The following PHACTR2 variants were observed in gnomAD, a reference collection of about 807,000 sequenced individuals.
The protein encoded by PHACTR2 is phosphatase and actin regulator 2, also known as chromosome 6 open reading frame 56.
Under a neutral mutation model 76.0 loss-of-function variants are expected in PHACTR2, and 30 were observed. The ratio of observed to expected loss-of-function variants is 0.39; its 90% CI spans 0.30 to 0.54. PHACTR2 has a LOEUF of 0.54. Among genes scored for constraint, PHACTR2 ranks in the 20% least tolerant of loss-of-function variants. The probability of loss-of-function intolerance (pLI) is 0.61; values close to 1 mark genes in which losing one functional copy is unlikely to be tolerated. For synonymous variants in PHACTR2, 292 were observed against 292.5 expected (o/e 1.00, Z 0.02); for missense variants, 696 against 781.1 (o/e 0.89, Z 1.30).
intron 1 of PHACTR2, among the ~76,000 whole-genome samples, chr6:143,702,773 C>CTTT (rs1190039194): frequency 0.01 from 1,014 of 100,114 alleles, 62 homozygotes; most frequent in African/African-American, 0.033. Context: ...ATATATACAA[C>CTTT]TTTTTTTTTT....
intron 1 of PHACTR2, among the ~76,000 whole-genome samples, chr6:143,626,292 C>T (rs1364408336): frequency 6.6e-6 from 1 of 152,090 alleles, no homozygotes; most frequent in Non-Finnish European, 1.5e-5. Context: ...AATCCCAGCA[C>T]TTTGGGAGGC....
chr6:143,607,790 T>C (rs1489357868), upstream of PHACTR2, among the ~76,000 whole-genome samples: 3 of 152,206 alleles, frequency 2.0e-5, no homozygotes, highest in Non-Finnish European at 4.4e-5. Context: ...AAATTTTAAA[T>C]TGAAAAGTTG....
chr6:143,773,086 G>A (rs180901608), intron 7 of PHACTR2, among the ~76,000 whole-genome samples: 79 of 152,210 alleles, frequency 5.2e-4, no homozygotes, highest in African/African-American at 1.9e-3. Context: ...GCTAGCGCAC[G>A]CCTGTAATTC....
At chr6:143,704,959 C>T (rs1344012370) in intron 1 of PHACTR2, among the ~76,000 whole-genome samples, 2 of 150,694 alleles carry the variant, frequency 1.3e-5, no homozygotes, top group African/African-American at 2.4e-5. Flanking sequence ...TCCCGAGTAG[C>T]GGGACTACAC....
intron 2 of PHACTR2, among the ~76,000 whole-genome samples, chr6:143,715,862 G>A (rs1263424671): frequency 1.3e-5 from 2 of 152,170 alleles, no homozygotes; most frequent in African/African-American, 4.8e-5. Context: ...TAAAACGTTT[G>A]ATTTATTTTC....
At chr6:143,551,050 A>C (rs1346081490) in intron 1 of PHACTR2, among the ~76,000 whole-genome samples, 11 of 150,888 alleles carry the variant, frequency 7.3e-5, no homozygotes, top group African/African-American at 2.7e-4. Flanking sequence ...CAACAAACAA[A>C]AAGACAACAA....
At chr6:143,804,255 T>C (rs988011248) in intron 11 of PHACTR2, among the ~76,000 whole-genome samples, 9 of 152,190 alleles carry the variant, frequency 5.9e-5, no homozygotes, top group Admixed American at 5.2e-4. Flanking sequence ...TCTCTCTCTC[T>C]ATCTACCCAG....
rs150543613 is a variant in PHACTR2, at chr6:143,550,286, C to T, written c.217+13079C>T. 2.0e-5 allele frequency among the ~76,000 whole-genome samples: 3 copies of T among 152,124 alleles called. No homozygotes were observed. Among genetic ancestry groups the T allele is most frequent in the East Asian group, 1.9e-4 (1 of 5,186 alleles). ...CTAACAGGCTTCTAAGTTTTGCTGA[C>T]GCTGCTGGTCCTCGGACCACACTTC... On this transcript the variant is annotated intron_variant, in intron 1 of 11. Transcript: ENST00000367584. The surrounding 1 kb of genome is among the most constrained non-coding windows in gnomAD (Gnocchi z 4.8).
chr6:143,542,643 A>G (rs978917214), intron 1 of PHACTR2, among the ~76,000 whole-genome samples: 3 of 152,188 alleles, frequency 2.0e-5, no homozygotes, highest in South Asian at 2.1e-4. Flanking sequence ...TCTGCTTAAA[A>G]TGGCACATCA....
chr6:143,613,035 G>A (rs1186730810), intron 1 of PHACTR2, among the ~76,000 whole-genome samples: 1 of 152,194 alleles, frequency 6.6e-6, no homozygotes, highest in Non-Finnish European at 1.5e-5. Flanking sequence ...GGAGTGCGGT[G>A]GCGCAATCTC....
chr6:143,548,927 GAAC>G lies in PHACTR2; in HGVS notation c.217+11726_217+11728del, dbSNP rs948687893. 6.6e-6 allele frequency among the ~76,000 whole-genome samples: 1 copy of G among 151,962 alleles called. No homozygotes were observed. Among genetic ancestry groups the G allele is most frequent in the Non-Finnish European group, 1.5e-5 (1 of 67,964 alleles). On this transcript the variant is annotated intron_variant, in intron 1 of 11. Coordinates refer to the PHACTR2 transcript ENST00000367584. This position sits in a 1 kb window ranked among gnomAD's most constrained non-coding sequence, Gnocchi z 4.5. ...AGCAAGAATGAGGCATGTTCCTAGG[GAAC>G]AACAAGATAAGAATAGGAAGGATGA...
intron 11 of PHACTR2, among the ~76,000 whole-genome samples, chr6:143,792,548 A>G (rs1035830801): frequency 6.6e-6 from 1 of 152,060 alleles, no homozygotes. Context: ...TTTATATCTT[A>G]CAGATTTTGT....
intron 1 of PHACTR2, among the ~76,000 whole-genome samples, chr6:143,668,643 A>G (rs1379835857): frequency 6.6e-6 from 1 of 151,970 alleles, no homozygotes; most frequent in Non-Finnish European, 1.5e-5. Flanking sequence ...TTTCTTCCAG[A>G]TTTTCTAGTT....
chr6:143,716,143 C>T (rs1431768500), intron 2 of PHACTR2, among the ~76,000 whole-genome samples: 1 of 152,124 alleles, frequency 6.6e-6, no homozygotes, highest in Non-Finnish European at 1.5e-5. Flanking sequence ...AAGATAATGA[C>T]TTTACAAGTA....
Position 143,765,220 on chromosome 6 carries a change from T to G in PHACTR2, c.695-41T>G. Reference sequence around the variant, plus strand: ...TTGGTTACTTTATTTTAAAAAGCATTGTATTCTTTGATTTTTTAATGCAAG... The same window carrying G: ...TTGGTTACTTTATTTTAAAAAGCATGGTATTCTTTGATTTTTTAATGCAAG... On this transcript the variant is annotated intron_variant, in intron 5 of 12. Coordinates refer to ENST00000440869, the MANE Select transcript of PHACTR2 (RefSeq NM_001100164.2). The surrounding 1 kb of genome is among the most constrained non-coding windows in gnomAD (Gnocchi z 4.1). 1 of 1,481,190 alleles carries G rather than the reference T, an allele frequency of 6.8e-7. No homozygotes were observed. Among genetic ancestry groups the G allele is most frequent in the Non-Finnish European group, 9.2e-7 (1 of 1,084,000 alleles). 91.8% of individuals were successfully genotyped at this position (1,481,190 alleles called of 1,614,324 possible). A position where few individuals can be genotyped will look rare whatever the true frequency, so the allele number is the denominator to read the frequency against.
intron 6 of PHACTR2, among the ~76,000 whole-genome samples, chr6:143,770,315 CA>C (rs796119758): frequency 1.2e-4 from 19 of 152,148 alleles, no homozygotes; most frequent in African/African-American, 4.1e-4. Flanking sequence ...ATTATAGAGA[CA>C]AAAAGTAGAA....
Position 143,742,488 on chromosome 6 carries a change from G to A in PHACTR2, c.215-6497G>A, listed in dbSNP as rs1778967588. On this transcript the variant is annotated intron_variant, in intron 2 of 12. Coordinates refer to ENST00000440869, the MANE Select transcript of PHACTR2 (RefSeq NM_001100164.2). The surrounding 1 kb of genome is among the most constrained non-coding windows in gnomAD (Gnocchi z 4.5). ...TGTTCCAGCAAATTTTTTGGGCCTG[G>A]ATCTTATTTCTGCAACTTGAGCATG... 6.6e-6 allele frequency among the ~76,000 whole-genome samples: 1 copy of A among 152,172 alleles called. No individual in the cohort carries two copies. Among genetic ancestry groups the A allele is most frequent in the Non-Finnish European group, 1.5e-5 (1 of 68,042 alleles).
At position 143,825,616 on chromosome 6, in the gene PHACTR2, A is replaced by G. The variant is rs1562321637; in HGVS notation, c.*1927A>G. ...ATCCAGCCATAAAAATTAACTTGTG[A>G]TTTTTTTTTTCCCAAAGTCATGCTT... is the stretch of plus-strand genomic sequence containing the variant. On this transcript the variant is annotated 3_prime_UTR_variant, in exon 13 of 13. Transcript: ENST00000440869. This position sits in a 1 kb window ranked among gnomAD's most constrained non-coding sequence, Gnocchi z 4.1. The G allele has an allele frequency of 1.3e-5, 2 of 148,982 alleles. No individual in the cohort carries two copies. Among genetic ancestry groups the G allele is most frequent in the East Asian group, 2.0e-4 (1 of 5,124 alleles). The allele number at this position is 148,982 out of a possible 1,614,324, so 9.2% of individuals were successfully genotyped here.
chr6:143,711,195 AT>A, intron 1 of PHACTR2: 1 of 352,576 alleles, frequency 2.8e-6, no homozygotes, highest in Middle Eastern at 4.3e-4. Context: ...TACTGTTTTG[AT>A]TTTTTCTTTT....
Sources: gnomAD v4.1 joint callset for allele counts (sites outside exome capture counted in the v4.1 genomes callset) on GRCh38, gnomAD v4.1.1 for gene constraint, Gnocchi (gnomAD v3.1) non-coding constraint, MANE v1.5 for transcripts, NCBI Gene and HGNC (gene_info 2026-07-23, HGNC 2026-07-21) for gene names.